The following SLC8A3 variants were observed in gnomAD, a reference collection of about 807,000 sequenced individuals.
SLC8A3 encodes the protein sodium/calcium exchanger 3.
Under a neutral mutation model 65.4 loss-of-function variants are expected in SLC8A3, and 37 were observed. The ratio of observed to expected loss-of-function variants is 0.57; its 90% CI spans 0.44 to 0.74. SLC8A3 has a LOEUF of 0.74. Ranked by LOEUF, SLC8A3 falls within the 30% of genes least tolerant of loss-of-function variation. SLC8A3 has a pLI of 0.00. For missense variants in SLC8A3, 1,112 were observed against 1,172.1 expected, an observed-to-expected ratio of 0.95 and a Z score of 0.75; for synonymous variants, 461 against 444.5, an observed-to-expected ratio of 1.04 and a Z score of -0.47.
chr14:70,115,624 T>C (rs1317036849), intron 2 of SLC8A3, among the ~76,000 whole-genome samples: 1 of 152,122 alleles, frequency 6.6e-6, no homozygotes, highest in Non-Finnish European at 1.5e-5. Context: ...GGAAGCACAG[T>C]AGGAGCAGGT....
intron 1 of SLC8A3, among the ~76,000 whole-genome samples, chr14:70,175,108 G>T (rs952717656): frequency 3.9e-5 from 6 of 152,122 alleles, no homozygotes; most frequent in East Asian, 1.9e-4. Context: ...TACTACAGAA[G>T]AAGAGAAAAG....
chr14:70,045,771 T>C lies in SLC8A3; in HGVS notation c.*176A>G. 1 of 581,858 alleles carries C rather than the reference T, an allele frequency of 1.7e-6. No individual in the cohort carries two copies. The highest frequency in any genetic ancestry group is 3.0e-6 in the Non-Finnish European group (1 of 333,040). 36.0% of individuals were successfully genotyped at this position (581,858 alleles called of 1,614,324 possible). A position where few individuals can be genotyped will look rare whatever the true frequency, so the allele number is the denominator to read the frequency against. On this transcript the variant is annotated 3_prime_UTR_variant, in exon 7 of 7. Transcript: ENST00000356921. Reference sequence around the variant, plus strand: ...GGTGATTCCTCCATTGTTTGATTGATTAAGACTTTGCCCTTTCAGTTAATT... The same window carrying C: ...GGTGATTCCTCCATTGTTTGATTGACTAAGACTTTGCCCTTTCAGTTAATT...
chr14:70,102,585 A>C (rs570568994), intron 2 of SLC8A3, among the ~76,000 whole-genome samples: 2 of 152,212 alleles, frequency 1.3e-5, no homozygotes, highest in Non-Finnish European at 2.9e-5. Flanking sequence ...TATGTTTAAG[A>C]ACCTAATATT....
intron 1 of SLC8A3, among the ~76,000 whole-genome samples, chr14:70,187,614 T>C (rs1485399056): frequency 1.7e-5 from 2 of 115,446 alleles, no homozygotes; most frequent in African/African-American, 5.3e-5. Flanking sequence ...TGTGTGTGTG[T>C]GTGTGTGTGT....
intron 1 of SLC8A3, among the ~76,000 whole-genome samples, chr14:70,185,412 AC>A (rs1883118430): frequency 2.0e-5 from 3 of 152,344 alleles, no homozygotes; most frequent in Admixed American, 2.0e-4. Context: ...AATATCAACA[AC>A]TGTGCCCAGA....
intron 3 of SLC8A3, among the ~76,000 whole-genome samples, chr14:70,053,573 A>G (rs1234589601): frequency 2.6e-5 from 4 of 152,208 alleles, no homozygotes; most frequent in Non-Finnish European, 5.9e-5. Context: ...ATGTGACACA[A>G]TAACTTTATA....
intron 2 of SLC8A3, among the ~76,000 whole-genome samples, chr14:70,076,686 A>G (rs1890552828): frequency 6.6e-6 from 1 of 152,118 alleles, no homozygotes; most frequent in Non-Finnish European, 1.5e-5. Flanking sequence ...CCCTTCCCAA[A>G]CAAGTCTAAC....
Position 70,167,827 on chromosome 14 carries a change from T to A in SLC8A3, c.596A>T (p.His199Leu), listed in dbSNP as rs1897269042. 9.9e-6 allele frequency: 16 copies of A among 1,613,874 alleles called. No individual in the cohort carries two copies. The highest frequency in any genetic ancestry group is 1.4e-5 in the Non-Finnish European group (16 of 1,179,880). The change falls in exon 2 of 7, where the codon CAT becomes CTT. Residue 199 changes from histidine (H) to leucine (L), a missense_variant. Coordinates refer to ENST00000356921, the MANE Select transcript of SLC8A3 (RefSeq NM_182932.3). ...AGCGGTGATGAAGAAGACTCGTAGA[T>A]GCTTGATCTTGCGAGTCTCTCCGTC... ...IPDGETRKIK[H>L]LRVFFITAAW...
At chr14:70,100,823 G>C (rs758918225) in intron 2 of SLC8A3, among the ~76,000 whole-genome samples, 5 of 152,250 alleles carry the variant, frequency 3.3e-5, no homozygotes, top group Non-Finnish European at 5.9e-5. Flanking sequence ...CCAGGAGACT[G>C]TTCTAGCTGT....
chr14:70,064,954 C>T (rs1423270912), intron 2 of SLC8A3, among the ~76,000 whole-genome samples: 1 of 152,078 alleles, frequency 6.6e-6, no homozygotes, highest in African/African-American at 2.4e-5. Context: ...GACCATTTCC[C>T]AGGGAAGATG....
chr14:70,125,399 T>C (rs1159895799), intron 2 of SLC8A3, among the ~76,000 whole-genome samples: 1 of 152,060 alleles, frequency 6.6e-6, no homozygotes, highest in Non-Finnish European at 1.5e-5. Flanking sequence ...ATTATTTAGC[T>C]CCCAATTGTA....
chr14:70,048,676 G>C, intron 6 of SLC8A3, 91 bp downstream of exon 6: 1 of 1,130,626 alleles, frequency 8.8e-7, no homozygotes, highest in Non-Finnish European at 1.3e-6. Context: ...GTTCAGATCT[G>C]AGATGGTGTG....
chr14:70,144,252 A>T (rs1460759367), intron 2 of SLC8A3, among the ~76,000 whole-genome samples: 1 of 149,000 alleles, frequency 6.7e-6, no homozygotes, highest in Non-Finnish European at 1.5e-5. Context: ...CCTCCATGTG[A>T]CACAAAGAGT....
intron 2 of SLC8A3, among the ~76,000 whole-genome samples, chr14:70,137,382 TC>T (rs1325074844): frequency 2.0e-4 from 31 of 152,092 alleles, no homozygotes; most frequent in Admixed American, 2.0e-3. Flanking sequence ...GACCTCGTGA[TC>T]CACCCCACAT....
intron 3 of SLC8A3, among the ~76,000 whole-genome samples, chr14:70,060,013 G>A (rs1298632212): frequency 6.6e-6 from 1 of 152,154 alleles, no homozygotes; most frequent in Non-Finnish European, 1.5e-5. Flanking sequence ...AACATAGAAT[G>A]GCATGGGGTG....
chr14:70,127,441 A>C (rs899193720), intron 2 of SLC8A3, among the ~76,000 whole-genome samples: 2 of 152,094 alleles, frequency 1.3e-5, no homozygotes, highest in Non-Finnish European at 2.9e-5. Context: ...TTCTTTGACC[A>C]TTTCCAAAGA....
chr14:70,133,653 A>G (rs1282092205), intron 2 of SLC8A3, among the ~76,000 whole-genome samples: 1 of 152,150 alleles, frequency 6.6e-6, no homozygotes, highest in Admixed American at 6.5e-5. Context: ...CCAAATGCCC[A>G]AATTCAGCTG....
intron 6 of SLC8A3, chr14:70,047,039 G>A (rs1040847901): frequency 6.6e-6 from 1 of 152,212 alleles, no homozygotes; most frequent in Non-Finnish European, 1.5e-5. Flanking sequence ...CACATAGGAT[G>A]TTAGCAAGAG....
chr14:70,115,212 A>G (rs1566789243), intron 2 of SLC8A3, among the ~76,000 whole-genome samples: 1 of 152,196 alleles, frequency 6.6e-6, no homozygotes, highest in Non-Finnish European at 1.5e-5. Context: ...ACCCCAGCGC[A>G]GCGCACTTGG....
Sources: allele counts gnomAD v4.1 joint callset (sites outside exome capture counted in the v4.1 genomes callset), GRCh38; gene constraint gnomAD v4.1.1; transcripts MANE v1.5; gene names NCBI Gene and HGNC (gene_info 2026-07-23, HGNC 2026-07-21).